The following SMYD3 variants were observed in gnomAD, a reference collection of about 807,000 sequenced individuals.
SMYD3 encodes SET and MYND domain containing 3, also known as histone-lysine N-methyltransferase SMYD3.
A neutral mutation model predicts 57.7 loss-of-function variants in SMYD3; 36 were observed. That is an observed-to-expected ratio of 0.62 (90% CI 0.48 to 0.82). SMYD3 has a LOEUF of 0.82. Ranked by LOEUF, SMYD3 falls within the 40% of genes least tolerant of loss-of-function variation. The pLI is 0.00. For synonymous variants in SMYD3, 211 were observed against 195.0 expected (o/e 1.08, Z -0.68); for missense variants, 515 against 538.8 (o/e 0.96, Z 0.44).
In SMYD3 at chr1:246,507,182, G is replaced by T. The variant is rs1167830143; in HGVS notation, c.36C>A (p.Ala12=). 1 of 1,529,060 alleles carries T rather than the reference G, an allele frequency of 6.5e-7. No individual in the cohort carries two copies. Among genetic ancestry groups the T allele is most frequent in the Non-Finnish European group, 8.8e-7 (1 of 1,138,164 alleles). The allele number at this position is 1,529,060 out of a possible 1,614,324, so 94.7% of individuals were successfully genotyped here. A position where few individuals can be genotyped will look rare whatever the true frequency, so the allele number is the denominator to read the frequency against. ...CGGCGCGCAGCCCGTTTCCCCTCTTGGCGGTTGCGAACTTTTCCACCTTCA... is the reference window on the plus strand; with the variant it reads ...CGGCGCGCAGCCCGTTTCCCCTCTTTGCGGTTGCGAACTTTTCCACCTTCA... ...EPLKVEKFAT[A]KRGNGLRAVT... is the part of the protein sequence containing the mutation. Residue 12 remains alanine, a synonymous_variant, in exon 1 of 12, where the codon GCC becomes GCA. Transcript: ENST00000490107.
intron 5 of SMYD3, among the ~76,000 whole-genome samples, chr1:246,125,647 G>A (rs2148046328): frequency 6.6e-6 from 1 of 152,220 alleles, no homozygotes; most frequent in Non-Finnish European, 1.5e-5. Flanking sequence ...ATACTTCGAT[G>A]GAGTGGTAAC....
At chr1:246,019,484 A>G (rs2059431768) in intron 5 of SMYD3, among the ~76,000 whole-genome samples, 3 of 152,240 alleles carry the variant, frequency 2.0e-5, no homozygotes. Context: ...AGTTACAAAT[A>G]CTGGTCATAG....
chr1:245,750,671 T>A (rs1037881404), intron 11 of SMYD3, among the ~76,000 whole-genome samples: 3 of 151,668 alleles, frequency 2.0e-5, no homozygotes, highest in African/African-American at 7.3e-5. Flanking sequence ...TTGAAAATAT[T>A]TTTGTAATAA....
chr1:245,781,652 A>G (rs902789978), intron 10 of SMYD3, among the ~76,000 whole-genome samples: 1 of 152,192 alleles, frequency 6.6e-6, no homozygotes, highest in Non-Finnish European at 1.5e-5. Context: ...GTGTCTTATA[A>G]TGGTCTCCTC....
At position 245,913,218 on chromosome 1, in the gene SMYD3, T is replaced by C. The variant is rs2055133229; in HGVS notation, c.813+2312A>G. Among the ~76,000 whole-genome samples the C allele has an allele frequency of 3.9e-5, 6 of 152,010 alleles. No individual in the cohort carries two copies. The South Asian group carries it at 6.2e-4, about 16-fold the overall frequency. ...TGAGTTCATGTCCTTTGTAGGGACA[T>C]GGATGAAGCTGGAAACCATCATTCT... On this transcript the variant is annotated intron_variant, in intron 8 of 11. Coordinates refer to ENST00000490107, the MANE Select transcript of SMYD3 (RefSeq NM_001167740.2).
At chr1:246,236,780 G>A (rs915115113) in intron 5 of SMYD3, among the ~76,000 whole-genome samples, 2 of 152,114 alleles carry the variant, frequency 1.3e-5, no homozygotes, top group East Asian at 1.9e-4. Context: ...CCAAAGTGCT[G>A]GGACTACAGG....
In SMYD3 at chr1:245,863,865, C is replaced by T; in HGVS notation, c.835G>A (p.Asp279Asn). The change falls in exon 9 of 12, where the codon GAT becomes AAT. Residue 279 changes from aspartate to asparagine, a missense_variant. Transcript: ENST00000490107. ...QDKDADMLTG[D>N]EQVWKEVQES... ...TGAACTTCCTTCCATACTTGCTCAT[C>T]ACCAGTTAGCATATCAGCATCCTGC... 1 of 1,614,152 alleles carries T rather than the reference C, an allele frequency of 6.2e-7. No individual in the cohort carries two copies. The highest frequency in any genetic ancestry group is 8.5e-7 in the Non-Finnish European group (1 of 1,179,992).
intron 5 of SMYD3, among the ~76,000 whole-genome samples, chr1:246,245,603 TA>T (rs66711432): frequency 0.21 from 31,564 of 151,186 alleles, 3,995 homozygotes; most frequent in East Asian, 0.58. Flanking sequence ...AAAACAAAAG[TA>T]AAAAAAAATC....
In SMYD3 at chr1:245,851,051, A is replaced by G. The variant is rs145422586; in HGVS notation, c.1076+7445T>C. 2.5e-3 allele frequency among the ~76,000 whole-genome samples: 383 copies of G among 152,254 alleles called. 2 individuals are homozygous for G. Among genetic ancestry groups the G allele is most frequent in the African/African-American group, 8.7e-3 (363 of 41,556 alleles). On this transcript the variant is annotated intron_variant, in intron 10 of 11. Coordinates refer to ENST00000490107, the MANE Select transcript of SMYD3 (RefSeq NM_001167740.2). Reference sequence around the variant, plus strand: ...TTAAAATAGTAGAATGATGAATGAAATCCTGAAAATCAATCGGGGACCTCC... The same window carrying G: ...TTAAAATAGTAGAATGATGAATGAAGTCCTGAAAATCAATCGGGGACCTCC...
chr1:246,149,372 C>T (rs2148148453), intron 5 of SMYD3, among the ~76,000 whole-genome samples: 1 of 152,226 alleles, frequency 6.6e-6, no homozygotes, highest in South Asian at 2.1e-4. Flanking sequence ...CAATGCCATG[C>T]CATGTTTCTC....
chr1:246,022,155 A>AT (rs2059482722), intron 5 of SMYD3, among the ~76,000 whole-genome samples: 1 of 152,240 alleles, frequency 6.6e-6, no homozygotes, highest in Admixed American at 6.5e-5. Flanking sequence ...GCATTGCTGT[A>AT]CTTAAGACAT....
At chr1:246,310,286 A>G (rs914535934) in intron 5 of SMYD3, among the ~76,000 whole-genome samples, 10 of 152,014 alleles carry the variant, frequency 6.6e-5, no homozygotes, top group African/African-American at 2.2e-4. Context: ...TGACACGAAT[A>G]GACTGGAAGA....
At chr1:246,144,814 A>C (rs2061817344) in intron 5 of SMYD3, among the ~76,000 whole-genome samples, 1 of 152,204 alleles carries the variant, frequency 6.6e-6, no homozygotes, top group Admixed American at 6.5e-5. Flanking sequence ...GGACACAGGC[A>C]CCATGTTCCC....
chr1:245,951,677 T>G (rs528550797), intron 5 of SMYD3, among the ~76,000 whole-genome samples: 13 of 151,876 alleles, frequency 8.6e-5, no homozygotes, highest in African/African-American at 2.4e-4. Context: ...TCCCCTGTGT[T>G]GTCCTTTTTC....
intron 1 of SMYD3, among the ~76,000 whole-genome samples, chr1:246,368,776 A>C (rs2066147180): frequency 6.6e-6 from 1 of 151,408 alleles, no homozygotes; most frequent in South Asian, 2.1e-4. Context: ...TGAAAAGGCT[A>C]GACTGGCTTA....
intron 5 of SMYD3, among the ~76,000 whole-genome samples, chr1:246,059,328 C>T (rs935109811): frequency 1.3e-5 from 2 of 149,638 alleles, no homozygotes; most frequent in African/African-American, 2.5e-5. Flanking sequence ...TAATAAAACA[C>T]ATTTACCTAG....
At chr1:245,888,490 T>C (rs941559887) in intron 8 of SMYD3, among the ~76,000 whole-genome samples, 3 of 152,184 alleles carry the variant, frequency 2.0e-5, no homozygotes, top group Middle Eastern at 3.2e-3. Context: ...CAGTGCTTTA[T>C]CAAAAGAGCA....
At chr1:246,234,352 A>C (rs1206234490) in intron 5 of SMYD3, among the ~76,000 whole-genome samples, 1 of 152,122 alleles carries the variant, frequency 6.6e-6, no homozygotes, top group Non-Finnish European at 1.5e-5. Flanking sequence ...CACATGGAGG[A>C]GAAGCACTCC....
chr1:246,297,695 T>C (rs2064821034), intron 5 of SMYD3, among the ~76,000 whole-genome samples: 1 of 152,188 alleles, frequency 6.6e-6, no homozygotes, highest in Non-Finnish European at 1.5e-5. Context: ...AAATATTCAA[T>C]TATTCTGATG....
Sources: allele counts gnomAD v4.1 joint callset (sites outside exome capture counted in the v4.1 genomes callset), GRCh38; gene constraint gnomAD v4.1.1; transcripts MANE v1.5; gene names NCBI Gene and HGNC (gene_info 2026-07-23, HGNC 2026-07-21).